Variants in ZPBP observed in about 807,000 individuals in gnomAD.
ZPBP encodes the protein zona pellucida-binding protein 1.
Under a neutral mutation model 44.8 loss-of-function variants are expected in ZPBP, and 26 were observed. That is an observed-to-expected ratio of 0.58 (90% confidence interval 0.43 to 0.81). ZPBP has a LOEUF of 0.81. ZPBP is among the 30% of genes least tolerant of loss of function. ZPBP has a pLI of 0.00. For missense variants in ZPBP, 409 were observed against 434.0 expected (o/e 0.94, Z 0.51); for synonymous variants, 174 against 153.2 (o/e 1.14, Z -1.00).
At chr7:49,998,660 A>C (rs907452589) in intron 6 of ZPBP, among the ~76,000 whole-genome samples, 9 of 152,118 alleles carry the variant, frequency 5.9e-5, no homozygotes, top group African/African-American at 2.2e-4. Context: ...GTATCTTTAA[A>C]TCTGGTAAGA....
At chr7:50,027,492 G>C (rs1464849298) in intron 5 of ZPBP, among the ~76,000 whole-genome samples, 1 of 151,950 alleles carries the variant, frequency 6.6e-6, no homozygotes, top group African/African-American at 2.4e-5. Flanking sequence ...GGAAATGTAT[G>C]GGTGTAAACA....
At chr7:49,887,300 G>A (rs1481847562) in intron 2 of ZPBP, among the ~76,000 whole-genome samples, 2 of 152,084 alleles carry the variant, frequency 1.3e-5, no homozygotes, top group Non-Finnish European at 2.9e-5. Context: ...TTTGACTTCA[G>A]GATATTCTGC....
intron 2 of ZPBP, among the ~76,000 whole-genome samples, chr7:49,884,770 GA>G (rs1041847608): frequency 6.6e-6 from 1 of 150,434 alleles, no homozygotes; most frequent in African/African-American, 2.4e-5. Context: ...CATAAACGGG[GA>G]AAAAAATAAA....
At chr7:50,069,025 T>C (rs796535866) in intron 3 of ZPBP, among the ~76,000 whole-genome samples, 1 of 152,212 alleles carries the variant, frequency 6.6e-6, no homozygotes, top group Admixed American at 6.5e-5. Context: ...AGGGGTCCTC[T>C]TGTCCTCTTA....
intron 2 of ZPBP, among the ~76,000 whole-genome samples, chr7:49,853,009 C>T (rs1187470534): frequency 6.6e-6 from 1 of 152,234 alleles, no homozygotes; most frequent in East Asian, 1.9e-4. Flanking sequence ...TTTCCTCTTC[C>T]TCACCCCACA....
At chr7:49,978,338 G>A (rs966413437) in intron 7 of ZPBP, among the ~76,000 whole-genome samples, 7 of 151,654 alleles carry the variant, frequency 4.6e-5, no homozygotes, top group Non-Finnish European at 8.8e-5. Context: ...ACAAAATGTT[G>A]TACATTATAA....
downstream of ZPBP, among the ~76,000 whole-genome samples, chr7:49,849,762 C>T (rs538115516): frequency 2.8e-4 from 42 of 152,224 alleles, no homozygotes; most frequent in Non-Finnish European, 5.3e-4. Context: ...ATTCTGCTCT[C>T]TGAGAGTCTG....
intron 2 of ZPBP, among the ~76,000 whole-genome samples, chr7:49,873,314 T>C (rs1791253499): frequency 6.6e-6 from 1 of 152,154 alleles, no homozygotes. Flanking sequence ...GCTTCCTGGT[T>C]CATGGATGGC....
At chr7:49,946,668 GA>G (rs1194359392) in intron 7 of ZPBP, among the ~76,000 whole-genome samples, 2 of 152,046 alleles carry the variant, frequency 1.3e-5, no homozygotes, top group African/African-American at 2.4e-5. Flanking sequence ...TAAATGTCTT[GA>G]GGTAGTCTCA....
intron 7 of ZPBP, among the ~76,000 whole-genome samples, chr7:49,963,324 G>A (rs2128765748): frequency 6.6e-6 from 1 of 151,582 alleles, no homozygotes; most frequent in Admixed American, 6.6e-5. Flanking sequence ...AAAAGTTGGG[G>A]GTTTCTTACA....
intron 4 of ZPBP, among the ~76,000 whole-genome samples, chr7:50,038,034 A>G (rs931097806): frequency 1.3e-5 from 2 of 152,124 alleles, no homozygotes; most frequent in African/African-American, 4.8e-5. Flanking sequence ...AGGAACACTG[A>G]GAATACTGAG....
chr7:50,000,316 T>C (rs963744321), intron 6 of ZPBP, among the ~76,000 whole-genome samples: 1 of 152,188 alleles, frequency 6.6e-6, no homozygotes, highest in African/African-American at 2.4e-5. Flanking sequence ...TCTTAAATTA[T>C]TAGACATGTA....
chr7:50,082,047 G>T, intron 2 of ZPBP, 148 bp from the exon 3 acceptor site: 3 of 797,074 alleles, frequency 3.8e-6, no homozygotes, highest in East Asian at 2.8e-5. Flanking sequence ...AAATTTCATT[G>T]CATTCTATGC....
chr7:49,932,360 T>C (rs1794477870), intron 1 of ZPBP, among the ~76,000 whole-genome samples: 1 of 152,240 alleles, frequency 6.6e-6, no homozygotes, highest in Admixed American at 6.5e-5. Context: ...TTCCCAAGGC[T>C]GTGGGAACCC....
intron 7 of ZPBP, among the ~76,000 whole-genome samples, chr7:49,967,189 G>A (rs998146261): frequency 1.3e-5 from 2 of 152,180 alleles, no homozygotes; most frequent in African/African-American, 4.8e-5. Flanking sequence ...AGTGGGCAGA[G>A]AATAAAGCCA....
chr7:50,060,891 A>G, intron 3 of ZPBP, among the ~76,000 whole-genome samples: 1 of 152,212 alleles, frequency 6.6e-6, no homozygotes, highest in East Asian at 1.9e-4. Context: ...ACCCTGATGA[A>G]CATAGATGTA....
At chr7:49,847,630 G>A (rs1235680726), downstream of ZPBP, among the ~76,000 whole-genome samples, 2 of 152,178 alleles carry the variant, frequency 1.3e-5, no homozygotes, top group Admixed American at 6.5e-5. Flanking sequence ...ACAGGGGCAC[G>A]CTGGCCTGGG....
chr7:49,954,026 C>T (rs1266711666), intron 7 of ZPBP, among the ~76,000 whole-genome samples: 2 of 152,052 alleles, frequency 1.3e-5, no homozygotes, highest in East Asian at 1.9e-4. Flanking sequence ...AAAACAAAGT[C>T]GGAAGATACA....
At chr7:49,905,683 G>C (rs1398352242) in intron 1 of ZPBP, among the ~76,000 whole-genome samples, 1 of 152,180 alleles carries the variant, frequency 6.6e-6, no homozygotes, top group Non-Finnish European at 1.5e-5. Context: ...ATCTTGAATA[G>C]GGGCTGGGTA....
Sources: gnomAD v4.1 joint callset for allele counts (sites outside exome capture counted in the v4.1 genomes callset) on GRCh38, gnomAD v4.1.1 for gene constraint, MANE v1.5 for transcripts, NCBI Gene and HGNC (gene_info 2026-07-23, HGNC 2026-07-21) for gene names.